DPY19L2: variants seen among roughly 807,000 people sequenced by gnomAD.
DPY19L2 encodes probable C-mannosyltransferase DPY19L2.
A neutral mutation model predicts 97.9 loss-of-function variants in DPY19L2; 34 were observed. The observed-to-expected ratio is 0.35, with a 90% confidence interval of 0.26 to 0.46. The LOEUF (loss-of-function observed/expected upper bound fraction) is 0.46. DPY19L2 is among the 20% of genes least tolerant of loss of function. The pLI is 1.00. For missense variants in DPY19L2, 623 were observed against 911.4 expected (o/e 0.68, Z 4.07); for synonymous variants, 230 against 307.9 (o/e 0.75, Z 2.65).
intron 11 of DPY19L2, among the ~76,000 whole-genome samples, chr12:63,611,373 T>A (rs1407251591): frequency 6.6e-6 from 1 of 151,314 alleles, no homozygotes; most frequent in African/African-American, 2.4e-5. Flanking sequence ...GCTAACAAGG[T>A]AAAAGTCACA....
chr12:63,626,001 A>C (rs1889475256), intron 7 of DPY19L2, among the ~76,000 whole-genome samples: 1 of 148,716 alleles, frequency 6.7e-6, no homozygotes, highest in Non-Finnish European at 1.5e-5. Context: ...ATAAAATATA[A>C]ATTAATATAT....
At chr12:63,629,044 C>A (rs374270886) in intron 6 of DPY19L2, among the ~76,000 whole-genome samples, 8 of 151,854 alleles carry the variant, frequency 5.3e-5, no homozygotes, top group Admixed American at 4.6e-4. Context: ...AGAAAGGACA[C>A]CCACACCAAA....
At position 63,600,351 on chromosome 12, in the gene DPY19L2, G is replaced by A. The variant is rs1156933846; in HGVS notation, c.1314C>T (p.Ile438=). Residue 438 remains isoleucine, a synonymous_variant, in exon 13 of 22, where the codon ATC becomes ATT. Transcript: ENST00000324472. The part of the protein sequence containing the change: ...IQGSAWWCGT[I]ILKFLTSKIL... ...TTTTAGATGTCAGAAATTTCAAAATGATTGTTCCACACCACCAGGCACTAC... is the reference window on the plus strand; with the variant it reads ...TTTTAGATGTCAGAAATTTCAAAATAATTGTTCCACACCACCAGGCACTAC... The A allele has an allele frequency of 1.2e-6, 2 of 1,608,644 alleles. No individual in the cohort carries two copies. Among genetic ancestry groups the A allele is most frequent in the Non-Finnish European group, 1.7e-6 (2 of 1,177,042 alleles).
chr12:63,608,483 A>G, intron 12 of DPY19L2, 133 bp downstream of exon 12: 9 of 928,614 alleles, frequency 9.7e-6, no homozygotes, highest in Non-Finnish European at 1.4e-5. Context: ...TACCTTAGAT[A>G]GTAACTATTT....
intron 11 of DPY19L2, among the ~76,000 whole-genome samples, chr12:63,612,623 A>C (rs1375624764): frequency 6.7e-6 from 1 of 149,764 alleles, no homozygotes; most frequent in East Asian, 2.0e-4. Context: ...AAAAAGGACT[A>C]GGAAAAAAGG....
intron 2 of DPY19L2, among the ~76,000 whole-genome samples, chr12:63,665,406 G>A (rs1379900801): frequency 1.3e-5 from 2 of 151,718 alleles, no homozygotes; most frequent in Non-Finnish European, 2.9e-5. Flanking sequence ...CTGGGAGGCA[G>A]AGGTTGCAGT....
chr12:63,662,368 C>A (rs1324629155), intron 3 of DPY19L2, among the ~76,000 whole-genome samples: 1 of 151,916 alleles, frequency 6.6e-6, no homozygotes, highest in Non-Finnish European at 1.5e-5. Context: ...AAGGCCATTA[C>A]CTCATAGTTG....
chr12:63,619,508 T>C (rs1393932594), intron 9 of DPY19L2, among the ~76,000 whole-genome samples: 1 of 151,422 alleles, frequency 6.6e-6, no homozygotes, highest in Non-Finnish European at 1.5e-5. Context: ...AACAGCAATA[T>C]CAAACTTCTT....
At chr12:63,592,313 A>C (rs573186356) in intron 16 of DPY19L2, among the ~76,000 whole-genome samples, 5 of 151,244 alleles carry the variant, frequency 3.3e-5, no homozygotes, top group African/African-American at 9.7e-5. Context: ...GGAACCAAAA[A>C]AGAGCCCGCA....
intron 6 of DPY19L2, among the ~76,000 whole-genome samples, chr12:63,637,095 A>G (rs1348796661): frequency 6.6e-6 from 1 of 152,200 alleles, no homozygotes. Flanking sequence ...CTCTCAGATC[A>G]TAGGGCAATC....
rs1882004302 is a variant in DPY19L2, at chr12:63,587,557, A to ATTATTATTATT, written c.1581-3722_1581-3721insAATAATAATAA. ...AAGAAACTAGTTAGACATTTTTAAA[A>ATTATTATTATT]ATTATTATTATTATTATTATTATTA... On this transcript the variant is annotated intron_variant, in intron 16 of 21. Transcript: ENST00000324472. Among the ~76,000 whole-genome samples, 536 of 136,228 alleles carry ATTATTATTATT rather than the reference A, an allele frequency of 3.9e-3. 5 individuals are homozygous for ATTATTATTATT. Among genetic ancestry groups the ATTATTATTATT allele is most frequent in the African/African-American group, 0.014 (503 of 35,782 alleles). 89.4% of individuals were successfully genotyped at this position (136,228 alleles called of 152,430 possible).
chr12:63,575,923 A>C (rs1225636653), intron 19 of DPY19L2, among the ~76,000 whole-genome samples: 2 of 152,046 alleles, frequency 1.3e-5, no homozygotes, highest in Admixed American at 1.3e-4. Context: ...GGAAGAGGGA[A>C]TACTTCCAAA....
intron 19 of DPY19L2, among the ~76,000 whole-genome samples, chr12:63,575,781 T>G (rs972505704): frequency 1.3e-5 from 2 of 151,898 alleles, no homozygotes; most frequent in African/African-American, 4.8e-5. Flanking sequence ...TCACAGGTAA[T>G]GAGATCAAAT....
rs751220360 is a variant in DPY19L2, at chr12:63,580,670, G to C, written c.1892C>G (p.Thr631Ser). 1 of 1,611,538 alleles carries C rather than the reference G, an allele frequency of 6.2e-7. No homozygotes were observed. The highest frequency in any genetic ancestry group is 1.1e-5 in the South Asian group (1 of 90,298). Residue 631 changes from threonine to serine, a missense_variant, in exon 19 of 22, where the codon ACC (threonine) becomes AGC (serine). Physicochemically the swap from Thr to Ser is moderately conservative, Grantham distance 58. Around this residue, in one of 6 missense-constraint regions of DPY19L2, gnomAD observed 294 missense variants for 446.2 expected, o/e 0.66. Transcript: ENST00000324472. ...EELLQWIKYS[T>S]TSDAVFAGAM... ...ACCAAATACCTACACACCTGATGTG[G>C]TACTGTATTTGATCCACTGTAAAAG...
intron 21 of DPY19L2, among the ~76,000 whole-genome samples, chr12:63,565,136 A>G (rs1877405002): frequency 6.6e-6 from 1 of 152,196 alleles, no homozygotes; most frequent in Non-Finnish European, 1.5e-5. Context: ...TCTTGAAAGT[A>G]GCCTATAGTA....
intron 4 of DPY19L2, among the ~76,000 whole-genome samples, chr12:63,655,954 A>G (rs1275378501): frequency 6.6e-6 from 1 of 152,136 alleles, no homozygotes; most frequent in African/African-American, 2.4e-5. Context: ...ATTCTTTACC[A>G]TTGTGTCTAG....
intron 6 of DPY19L2, among the ~76,000 whole-genome samples, chr12:63,641,123 C>T (rs1436795405): frequency 6.6e-6 from 1 of 152,100 alleles, no homozygotes; most frequent in African/African-American, 2.4e-5. Context: ...CCAGGTTGGT[C>T]TCGATCTCCT....
Position 63,644,152 on chromosome 12 carries a change from T to G in DPY19L2, c.803+251A>C, listed in dbSNP as rs1356124949. Among the ~76,000 whole-genome samples, 5 of 152,108 alleles carry G rather than the reference T, an allele frequency of 3.3e-5. No individual in the cohort carries two copies. In the East Asian group the frequency reaches 9.6e-4, roughly 29 times the overall value. Reference sequence around the variant, plus strand: ...AATTTTACACATGAACTAGGAGATATTCCATTAAAGCCTTTGTTAGGAAAT... The same window carrying G: ...AATTTTACACATGAACTAGGAGATAGTCCATTAAAGCCTTTGTTAGGAAAT... On this transcript the variant is annotated intron_variant, in intron 6 of 21. Coordinates refer to ENST00000324472, the MANE Select transcript of DPY19L2 (RefSeq NM_173812.5).
chr12:63,623,802 T>C, intron 8 of DPY19L2: 1 of 354,488 alleles, frequency 2.8e-6, no homozygotes, highest in Non-Finnish European at 5.5e-6. Context: ...CCTCCTGGGT[T>C]CAAGCAATTC....
Sources: gnomAD v4.1 joint callset for allele counts (sites outside exome capture counted in the v4.1 genomes callset) on GRCh38, gnomAD v4.1.1 for gene constraint, gnomAD v4.1.1 regional missense constraint, MANE v1.5 for transcripts, NCBI Gene and HGNC (gene_info 2026-07-23, HGNC 2026-07-21) for gene names.